The following TACC2 variants were observed in gnomAD, a reference collection of about 807,000 sequenced individuals.
TACC2 encodes transforming acidic coiled-coil containing protein 2.
Under a neutral mutation model 227.3 loss-of-function variants are expected in TACC2, and 137 were observed. The ratio of observed to expected loss-of-function variants is 0.60; its 90% CI spans 0.52 to 0.69. The LOEUF (loss-of-function observed/expected upper bound fraction) is 0.69, where lower values mean the gene tolerates loss of function less well. Among genes scored for constraint, TACC2 ranks in the 30% least tolerant of loss-of-function variants. TACC2 has a pLI of 0.00. For missense variants in TACC2, 3,470 were observed against 3,694.4 expected (o/e 0.94, Z 1.57); for synonymous variants, 1,523 against 1,487.5 (o/e 1.02, Z -0.55).
chr10:122,028,158 C>A (rs1045880179), intron 2 of TACC2, among the ~76,000 whole-genome samples: 1 of 125,172 alleles, frequency 8.0e-6, no homozygotes, highest in Admixed American at 1.0e-4. Context: ...TGTGATATCT[C>A]AGCTCACTGC....
Position 122,083,312 on chromosome 10 carries a change from T to G in TACC2, c.812T>G (p.Leu271Arg). The G allele has an allele frequency of 1.9e-6, 3 of 1,613,808 alleles. No homozygotes were observed. Among genetic ancestry groups the G allele is most frequent in the Non-Finnish European group, 2.5e-6 (3 of 1,179,990 alleles). ...ESSAVLEKSP[L>R]KPMAPIPQDP... is the part of the protein sequence containing the mutation. ...TCAGCGGTCTTGGAGAAGTCCCCCC[T>G]AAAACCCATGGCCCCGATCCCACAA... Residue 271 changes from leucine to arginine, a missense_variant, in exon 4 of 23, where the codon CTA becomes CGA. Transcript: ENST00000369005.
chr10:122,081,539 A>T (rs1319871103), intron 3 of TACC2, among the ~76,000 whole-genome samples: 2 of 151,704 alleles, frequency 1.3e-5, no homozygotes, highest in South Asian at 2.1e-4. Flanking sequence ...AAAAAAAAAA[A>T]AAAAAGGCAC....
At chr10:122,244,857 T>C (rs757577517) in intron 19 of TACC2, among the ~76,000 whole-genome samples, 1 of 152,262 alleles carries the variant, frequency 6.6e-6, no homozygotes, top group Non-Finnish European at 1.5e-5. Context: ...GCCGTTGTTA[T>C]TCATTTGCAT....
intron 7 of TACC2, among the ~76,000 whole-genome samples, chr10:122,149,541 C>T (rs2091807288): frequency 1.3e-5 from 2 of 152,148 alleles, no homozygotes; most frequent in South Asian, 4.1e-4. Context: ...TGCTCCCTTC[C>T]CTCTGTCAAC....
intron 5 of TACC2, chr10:122,113,041 C>T (rs540240355): frequency 1.3e-5 from 2 of 152,540 alleles, no homozygotes; most frequent in South Asian, 2.1e-4. Context: ...TTTCCCGAGC[C>T]TTTCGGGGAG....
At chr10:122,207,109 G>A (rs570256644) in intron 8 of TACC2, among the ~76,000 whole-genome samples, 9 of 152,044 alleles carry the variant, frequency 5.9e-5, no homozygotes, top group African/African-American at 2.2e-4. Context: ...GACCAACCTG[G>A]CCAACATAAT....
chr10:122,103,992 G>A (rs2082459776), intron 5 of TACC2, among the ~76,000 whole-genome samples: 1 of 152,086 alleles, frequency 6.6e-6, no homozygotes, highest in Admixed American at 6.6e-5. Context: ...GCCTCTATTT[G>A]GTATTTAATG....
At chr10:122,163,483 C>T in intron 7 of TACC2, 3 of 826,348 alleles carry the variant, frequency 3.6e-6, no homozygotes, top group Non-Finnish European at 4.4e-6. Context: ...TTCGCCTCCC[C>T]ACCCCCAGCC....
intron 1 of TACC2, among the ~76,000 whole-genome samples, chr10:122,020,312 T>TTGTGTGTG (rs10556316): frequency 6.6e-6 from 1 of 150,444 alleles, no homozygotes; most frequent in African/African-American, 2.4e-5. Context: ...GAGCATGTGA[T>TTGTGTGTG]TGTGTGTGTG....
chr10:122,207,803 C>T (rs538511147), intron 8 of TACC2, among the ~76,000 whole-genome samples: 4 of 152,148 alleles, frequency 2.6e-5, no homozygotes, highest in Non-Finnish European at 4.4e-5. Flanking sequence ...GAAGGGCCTC[C>T]GAAGGCTTCC....
At position 122,087,901 on chromosome 10, in the gene TACC2, G is replaced by A; in HGVS notation, c.5401G>A (p.Asp1801Asn). The A allele has an allele frequency of 1.3e-6, 2 of 1,513,076 alleles. No individual in the cohort carries two copies. Among genetic ancestry groups the A allele is most frequent in the East Asian group, 2.3e-5 (1 of 43,882 alleles). The allele number at this position is 1,513,076 out of a possible 1,614,324, so 93.7% of individuals were successfully genotyped here. The stretch of plus-strand genomic sequence containing the variant: ...GTGCGTCTCCTCACCTCCAGAGCCT[G>A]ACGAAACTCACGACCCGAAGCTGCA... The part of the protein sequence containing the change: ...KVCVSSPPEP[D>N]ETHDPKLQHL... The change falls in exon 4 of 23, where the codon GAC becomes AAC. Residue 1801 changes from aspartate to asparagine, a missense_variant. Asp to Asn is a conservative substitution (Grantham distance 23, BLOSUM62 1). Around this residue, in one of 10 missense-constraint regions of TACC2, gnomAD observed 1,924 missense variants for 1,978.3 expected, o/e 0.97. Transcript: ENST00000369005.
chr10:122,037,426 C>T (rs1476388263), intron 2 of TACC2, among the ~76,000 whole-genome samples: 2 of 152,186 alleles, frequency 1.3e-5, no homozygotes, highest in African/African-American at 4.8e-5. Context: ...AGTCAGGGCT[C>T]CCCAAGGAGG....
intron 3 of TACC2, among the ~76,000 whole-genome samples, chr10:122,079,516 C>A (rs1426167920): frequency 6.6e-6 from 1 of 152,202 alleles, no homozygotes; most frequent in African/African-American, 2.4e-5. Flanking sequence ...CTTTTGGGTC[C>A]TCAGGCACCA....
intron 7 of TACC2, among the ~76,000 whole-genome samples, chr10:122,151,247 C>T (rs2092009148): frequency 6.6e-6 from 1 of 152,082 alleles, no homozygotes; most frequent in Non-Finnish European, 1.5e-5. Flanking sequence ...GAGCTGAGAA[C>T]AAAAGACTCA....
At chr10:122,171,568 G>C (rs1168798394) in intron 7 of TACC2, among the ~76,000 whole-genome samples, 1 of 152,250 alleles carries the variant, frequency 6.6e-6, no homozygotes, top group Non-Finnish European at 1.5e-5. Flanking sequence ...AGAAATAACA[G>C]AGGGTTTAAA....
At chr10:122,036,140 T>C (rs10788231) in intron 2 of TACC2, among the ~76,000 whole-genome samples, 125,624 of 151,788 alleles carry the variant, frequency 0.83, 52,028 homozygotes, top group Middle Eastern at 0.87. Context: ...TTCCTTTCTC[T>C]ATAAGGCCGA....
At chr10:122,099,525 C>T (rs966398755) in intron 5 of TACC2, among the ~76,000 whole-genome samples, 29 of 152,180 alleles carry the variant, frequency 1.9e-4, no homozygotes, top group African/African-American at 6.5e-4. Flanking sequence ...TTCAGCAGAA[C>T]GTTCTCCTGT....
chr10:122,248,576 G>T (rs1199630605), intron 19 of TACC2, 67 bp from the exon 20 acceptor site: 7 of 1,592,198 alleles, frequency 4.4e-6, no homozygotes, highest in Middle Eastern at 2.3e-4. Context: ...TGAGGCCTCG[G>T]CTGGCCCCAG....
At chr10:121,992,946 C>T (rs957235167) in intron 1 of TACC2, among the ~76,000 whole-genome samples, 15 of 149,522 alleles carry the variant, frequency 1.0e-4, no homozygotes, top group African/African-American at 3.5e-4. Flanking sequence ...CAGAGTGAGA[C>T]TGTCTCTAAA....
Sources: allele counts gnomAD v4.1 joint callset (sites outside exome capture counted in the v4.1 genomes callset), GRCh38; gene constraint gnomAD v4.1.1; regional missense constraint gnomAD v4.1.1; transcripts MANE v1.5; gene names NCBI Gene and HGNC (gene_info 2026-07-23, HGNC 2026-07-21).